The following PILRB variants were observed in gnomAD, a reference collection of about 807,000 sequenced individuals.
PILRB encodes paired immunoglobulin-like type 2 receptor beta.
Under a neutral mutation model 20.5 loss-of-function variants are expected in PILRB, and 21 were observed. The ratio of observed to expected loss-of-function variants is 1.02; its 90% CI spans 0.72 to 1.47. The LOEUF (loss-of-function observed/expected upper bound fraction) is 1.47, where lower values mean the gene tolerates loss of function less well. Ranked by LOEUF, PILRB falls within the 40% of genes most tolerant of loss-of-function variation. The pLI is 0.00. For synonymous variants in PILRB, 133 were observed against 115.1 expected (o/e 1.16, Z -0.99); for missense variants, 253 against 272.1 (o/e 0.93, Z 0.49).
At chr7:100,362,033 CAGA>C (rs1790542014) in intron 3 of PILRB, among the ~76,000 whole-genome samples, 1 of 152,042 alleles carries the variant, frequency 6.6e-6, no homozygotes, top group South Asian at 2.1e-4. Flanking sequence ...CAGGAGATCA[CAGA>C]AGGTCAAGGA....
intron 3 of PILRB, among the ~76,000 whole-genome samples, chr7:100,364,677 A>G (rs905793348): frequency 1.3e-5 from 2 of 152,252 alleles, no homozygotes; most frequent in Non-Finnish European, 2.9e-5. Flanking sequence ...GAACTACCAT[A>G]TGATCCAACA....
rs999294090 is a variant in PILRB, at chr7:100,359,223, G to A, written c.455-114G>A. ...CTACCCCTTCCATGTCTGGGCTTCT[G>A]AGAGCAGCTTGCTCATCCTGAATGT... On this transcript the variant is annotated intron_variant, in intron 2 of 3. Coordinates refer to ENST00000609309, the MANE Select transcript of PILRB (RefSeq NM_178238.4). 5 of 1,503,348 alleles carry A rather than the reference G, an allele frequency of 3.3e-6. No homozygotes were observed. The African/African-American group carries it at 5.5e-5, about 17-fold the overall frequency. The allele number at this position is 1,503,348 out of a possible 1,614,324, so 93.1% of individuals were successfully genotyped here. A position where few individuals can be genotyped will look rare whatever the true frequency, so the allele number is the denominator to read the frequency against.
In PILRB at chr7:100,358,375, C is replaced by T. The variant is rs1299362477; in HGVS notation, c.64+9C>T. On this transcript the variant is annotated intron_variant, in intron 1 of 3. Transcript: ENST00000609309. The stretch of plus-strand genomic sequence containing the variant: ...AGCATTTCTGCAGCCTGGTGAGTAC[C>T]CAGGACCGCCCAGGTATGGTCTCTG... The T allele has an allele frequency of 2.5e-6, 4 of 1,611,444 alleles. No homozygotes were observed. The highest frequency in any genetic ancestry group is 3.4e-6 in the Non-Finnish European group (4 of 1,179,890).
rs1368836491 is a variant in PILRB, at chr7:100,367,708, A to T, written c.*331A>T. 1 of 318,672 alleles carries T rather than the reference A, an allele frequency of 3.1e-6. No homozygotes were observed. Among genetic ancestry groups the T allele is most frequent in the East Asian group, 5.5e-5 (1 of 18,274 alleles). The allele number at this position is 318,672 out of a possible 1,614,324, so 19.7% of individuals were successfully genotyped here. A position where few individuals can be genotyped will look rare whatever the true frequency, so the allele number is the denominator to read the frequency against. On this transcript the variant is annotated 3_prime_UTR_variant, in exon 4 of 4. Coordinates refer to ENST00000609309, the MANE Select transcript of PILRB (RefSeq NM_178238.4). ...TCCTTTATCCTCCCCAAGGATGGAA[A>T]AATACAATTTATTTTGCTTACCATA...
At chr7:100,361,251 T>C (rs988399814) in intron 3 of PILRB, among the ~76,000 whole-genome samples, 6 of 152,166 alleles carry the variant, frequency 3.9e-5, no homozygotes, top group Non-Finnish European at 7.4e-5. Flanking sequence ...GAATCTGTTA[T>C]ACGGGAGATC....
In PILRB at chr7:100,359,529, G is replaced by A. The variant is rs1218209274; in HGVS notation, c.647G>A (p.Arg216Lys). The A allele has an allele frequency of 6.2e-7, 1 of 1,614,024 alleles. No homozygotes were observed. The highest frequency in any genetic ancestry group is 2.2e-5 in the East Asian group (1 of 44,894). ...LLCLLLLWWR[R>K]RKGSRAPSSD... ...TGCCTCCTCCTCCTGTGGTGGAGGA[G>A]AAGGAAAGGTAAGTGCCCAGAACGC... Residue 216 changes from arginine to lysine, a missense_variant, in exon 3 of 4, where the codon AGA becomes AAA. By Grantham distance (26) the Arg-to-Lys change is conservative. Transcript: ENST00000609309.
chr7:100,360,045 A>AAAC (rs1563109043), intron 3 of PILRB, among the ~76,000 whole-genome samples: 1 of 151,330 alleles, frequency 6.6e-6, no homozygotes, highest in Non-Finnish European at 1.5e-5. Flanking sequence ...AACAAACAAA[A>AAAC]AAAGCCCCCA....
intron 3 of PILRB, among the ~76,000 whole-genome samples, chr7:100,361,731 C>T (rs949390086): frequency 2.0e-5 from 3 of 152,070 alleles, no homozygotes; most frequent in Admixed American, 6.6e-5. Flanking sequence ...AAAGGAGATT[C>T]GCCCTATCAG....
At position 100,358,751 on chromosome 7, in the gene PILRB, A is replaced by C. The variant is rs758145246; in HGVS notation, c.126A>C (p.Ser42=). 6.2e-7 allele frequency: 1 copy of C among 1,613,962 alleles called. No homozygotes were observed. Among genetic ancestry groups the C allele is most frequent in the East Asian group, 2.2e-5 (1 of 44,884 alleles). ...LYGVTQPKHL[S]ASMGGSVEIP... ...GGGTCACTCAACCAAAACACCTCTC[A>C]GCCTCCATGGGTGGCTCTGTGGAAA... The change falls in exon 2 of 4, where the codon TCA becomes TCC. Residue 42 remains serine (S), a synonymous_variant. Coordinates refer to ENST00000609309, the MANE Select transcript of PILRB (RefSeq NM_178238.4).
At chr7:100,363,174 AGCAATTAG>A (rs1025314810) in intron 3 of PILRB, among the ~76,000 whole-genome samples, 3 of 151,656 alleles carry the variant, frequency 2.0e-5, no homozygotes, top group African/African-American at 7.3e-5. Flanking sequence ...TCCTAGCCAG[AGCAATTAG>A]GCAATTAGGC....
chr7:100,365,621 C>T (rs7799024), intron 3 of PILRB, among the ~76,000 whole-genome samples: 1 of 152,046 alleles, frequency 6.6e-6, no homozygotes, highest in Non-Finnish European at 1.5e-5. Context: ...GAGTTCGAGC[C>T]CAGCCTGGCC....
chr7:100,366,016 C>A (rs1486327360), intron 3 of PILRB, among the ~76,000 whole-genome samples: 1 of 140,580 alleles, frequency 7.1e-6, no homozygotes, highest in Non-Finnish European at 1.5e-5. Flanking sequence ...TGCAGTGGTG[C>A]GATCTTGGCT....
At chr7:100,361,081 G>A (rs767099519) in intron 3 of PILRB, among the ~76,000 whole-genome samples, 5 of 151,970 alleles carry the variant, frequency 3.3e-5, no homozygotes, top group South Asian at 4.2e-4. Flanking sequence ...GACTACAGGC[G>A]CCCGCCACCA....
At position 100,359,386 on chromosome 7, in the gene PILRB, C is replaced by A. The variant is rs199821993; in HGVS notation, c.504C>A (p.Ala168=). 2 of 1,614,152 alleles carry A rather than the reference C, an allele frequency of 1.2e-6. No individual in the cohort carries two copies. Among genetic ancestry groups the A allele is most frequent in the South Asian group, 2.2e-5 (2 of 91,082 alleles). Residue 168 remains alanine (A), a synonymous_variant, in exon 3 of 4, where the codon GCC becomes GCA. Coordinates refer to ENST00000609309, the MANE Select transcript of PILRB (RefSeq NM_178238.4). ...GGCCCAGCAGCACAACCACCATAGC[C>A]GGCCTCAGGGTCACAGAAAGCAAAG... is the stretch of plus-strand genomic sequence containing the variant. ...TWRPSSTTTI[A]GLRVTESKGH...
intron 2 of PILRB, 46 bp downstream of exon 2, chr7:100,359,125 G>T (rs774712073): frequency 6.2e-7 from 1 of 1,611,030 alleles, no homozygotes; most frequent in Non-Finnish European, 8.5e-7. Context: ...CGCAGTGAGG[G>T]TTTTGGTGAC....
chr7:100,359,938 G>A (rs570624719), intron 3 of PILRB, among the ~76,000 whole-genome samples: 3 of 152,154 alleles, frequency 2.0e-5, no homozygotes, highest in Non-Finnish European at 2.9e-5. Flanking sequence ...CAGGAGAATC[G>A]CTTGAACCCG....
At chr7:100,365,220 G>T (rs576004839) in intron 3 of PILRB, among the ~76,000 whole-genome samples, 1 of 152,038 alleles carries the variant, frequency 6.6e-6, no homozygotes, top group Non-Finnish European at 1.5e-5. Context: ...GGCTGGTCTC[G>T]AACTCCTGAC....
Position 100,359,342 on chromosome 7 carries a change from A to G in PILRB, c.460A>G (p.Thr154Ala). Residue 154 changes from threonine to alanine, a missense_variant, in exon 3 of 4, where the codon ACA becomes GCA. Thr to Ala is a moderately conservative substitution (Grantham distance 58). Transcript: ENST00000609309. Reference protein sequence around the residue: ...GTKLTITQAVTTTTTWRPSST... With the variant: ...GTKLTITQAVATTTTWRPSST... ...TCATTCCTCATCTCTTCCAGCTGTC[A>G]CAACCACCACCACCTGGAGGCCCAG... The G allele has an allele frequency of 6.2e-7, 1 of 1,614,032 alleles. No individual in the cohort carries two copies. The highest frequency in any genetic ancestry group is 8.5e-7 in the Non-Finnish European group (1 of 1,179,978).
intron 3 of PILRB, among the ~76,000 whole-genome samples, chr7:100,361,091 ACACC>A (rs1790512028): frequency 6.6e-6 from 1 of 151,886 alleles, no homozygotes; most frequent in Non-Finnish European, 1.5e-5. Context: ...GCCCGCCACC[ACACC>A]TGGCTAATTT....
Sources: gnomAD v4.1 joint callset for allele counts (sites outside exome capture counted in the v4.1 genomes callset) on GRCh38, gnomAD v4.1.1 for gene constraint, MANE v1.5 for transcripts, NCBI Gene and HGNC (gene_info 2026-07-23, HGNC 2026-07-21) for gene names.